Variants in HS2ST1 observed in about 807,000 individuals in gnomAD.
HS2ST1 encodes heparan sulfate 2-O-sulfotransferase 1.
HS2ST1 carries 18 observed loss-of-function variants against 42.9 expected under a neutral mutation model. The ratio of observed to expected loss-of-function variants is 0.42; its 90% CI spans 0.29 to 0.62. The LOEUF (loss-of-function observed/expected upper bound fraction) is 0.62. Among genes scored for constraint, HS2ST1 ranks in the 20% least tolerant of loss-of-function variants. The probability of loss-of-function intolerance (pLI) is 0.21; values close to 1 mark genes in which losing one functional copy is unlikely to be tolerated. For missense variants in HS2ST1, 334 were observed against 433.8 expected, an observed-to-expected ratio of 0.77 and a Z score of 2.04; for synonymous variants, 146 against 152.9, an observed-to-expected ratio of 0.95 and a Z score of 0.33.
intron 5 of HS2ST1, among the ~76,000 whole-genome samples, chr1:87,101,147 G>GTTTTTT (rs1557546414): frequency 9.2e-5 from 7 of 75,892 alleles, no homozygotes; most frequent in African/African-American, 1.5e-4. Flanking sequence ...GTGTGTGTGT[G>GTTTTTT]TGTTTTTTGT....
intron 3 of HS2ST1, among the ~76,000 whole-genome samples, chr1:87,085,498 G>A (rs1310641516): frequency 1.3e-5 from 2 of 152,078 alleles, no homozygotes; most frequent in Non-Finnish European, 2.9e-5. Context: ...TCCTCTCATA[G>A]TACTCAAGAT....
chr1:87,109,425 C>T lies in HS2ST1; in HGVS notation c.*4729C>T, dbSNP rs1021078412. ...AATAAAATTTCAGATGGAAAACTTA[C>T]AAAATATATACTTAATTAGAAGAAA... On this transcript the variant is annotated 3_prime_UTR_variant, in exon 7 of 7. Coordinates refer to ENST00000370550, the MANE Select transcript of HS2ST1 (RefSeq NM_012262.4). 6.6e-6 allele frequency: 1 copy of T among 151,762 alleles called. No homozygotes were observed. Among genetic ancestry groups the T allele is most frequent in the Admixed American group, 6.6e-5 (1 of 15,212 alleles). The allele number at this position is 151,762 out of a possible 1,614,324, so 9.4% of individuals were successfully genotyped here.
chr1:87,094,458 TG>T (rs1652017522), intron 4 of HS2ST1, among the ~76,000 whole-genome samples: 1 of 152,154 alleles, frequency 6.6e-6, no homozygotes, highest in Admixed American at 6.6e-5. Context: ...ATGGGGTAGT[TG>T]CTGTTATTGT....
intron 4 of HS2ST1, among the ~76,000 whole-genome samples, chr1:87,095,959 C>T (rs918205412): frequency 1.8e-4 from 26 of 144,892 alleles, no homozygotes; most frequent in African/African-American, 6.2e-4. Flanking sequence ...TATAGACAGC[C>T]GGTTTTCTTT....
intron 1 of HS2ST1, among the ~76,000 whole-genome samples, chr1:87,010,376 TAAC>T (rs1244463907): frequency 6.6e-6 from 1 of 152,170 alleles, no homozygotes; most frequent in African/African-American, 2.4e-5. Context: ...AATTAGGAAA[TAAC>T]AGTAAAATCA....
At chr1:87,000,656 A>G (rs1649255104) in intron 1 of HS2ST1, among the ~76,000 whole-genome samples, 1 of 152,218 alleles carries the variant, frequency 6.6e-6, no homozygotes, top group South Asian at 2.1e-4. Flanking sequence ...AGAGTTGTGC[A>G]TTTGAAAGCT....
At chr1:87,057,371 T>C (rs368075501) in intron 1 of HS2ST1, among the ~76,000 whole-genome samples, 10 of 152,128 alleles carry the variant, frequency 6.6e-5, no homozygotes, top group South Asian at 4.1e-4. Flanking sequence ...AATATGGTGA[T>C]TAAGACACTG....
intron 1 of HS2ST1, among the ~76,000 whole-genome samples, chr1:86,998,579 C>A (rs1482272761): frequency 1.3e-5 from 2 of 152,104 alleles, no homozygotes; most frequent in Non-Finnish European, 2.9e-5. Flanking sequence ...TTATTCATGG[C>A]TTTTAATAAG....
At chr1:87,071,563 T>C (rs1651405309) in intron 1 of HS2ST1, among the ~76,000 whole-genome samples, 2 of 151,966 alleles carry the variant, frequency 1.3e-5, no homozygotes, top group Non-Finnish European at 2.9e-5. Flanking sequence ...ACCGTGTCTC[T>C]ACTAAAAATA....
In HS2ST1 at chr1:87,073,016, T is replaced by C. The variant is rs142108708; in HGVS notation, c.207T>C (p.Asp69=). The change falls in exon 2 of 7, where the codon GAT becomes GAC. Residue 69 remains aspartate, a synonymous_variant. Coordinates refer to ENST00000370550, the MANE Select transcript of HS2ST1 (RefSeq NM_012262.4). ...MDGPRQDATL[D]EEEDMVIIYN... is the part of the protein sequence containing the mutation. The stretch of plus-strand genomic sequence containing the variant: ...GCCCTCGGCAAGATGCCACTTTAGA[T>C]GAGGAAGAGGACATGGTGATCATTT... The C allele has an allele frequency of 6.8e-6, 11 of 1,614,082 alleles. No individual in the cohort carries two copies. In the African/African-American group the frequency reaches 1.1e-4, roughly 16 times the overall value.
chr1:87,027,898 C>T (rs1650128677), intron 1 of HS2ST1, among the ~76,000 whole-genome samples: 1 of 152,194 alleles, frequency 6.6e-6, no homozygotes, highest in African/African-American at 2.4e-5. Flanking sequence ...CCATGTTGGC[C>T]AGGCTGGTCT....
At chr1:86,988,940 T>A (rs1648866620) in intron 1 of HS2ST1, among the ~76,000 whole-genome samples, 1 of 152,242 alleles carries the variant, frequency 6.6e-6, no homozygotes, top group Non-Finnish European at 1.5e-5. Flanking sequence ...TACTTCGGAT[T>A]TCTGTATCAC....
chr1:87,023,873 C>T (rs781760117), intron 1 of HS2ST1, among the ~76,000 whole-genome samples: 49 of 151,154 alleles, frequency 3.2e-4, no homozygotes, highest in Non-Finnish European at 4.1e-4. Context: ...TTAAATATAT[C>T]TATTGAGGTC....
intron 1 of HS2ST1, among the ~76,000 whole-genome samples, chr1:87,070,639 A>G (rs1319072123): frequency 1.3e-5 from 2 of 152,200 alleles, no homozygotes; most frequent in East Asian, 1.9e-4. Context: ...AATTAGTTGA[A>G]TTTAATCTAA....
In HS2ST1 at chr1:86,956,972, C is replaced by T. The variant is rs537109191; in HGVS notation, c.124+41812C>T. Among the ~76,000 whole-genome samples the T allele has an allele frequency of 3.3e-5, 5 of 152,268 alleles. 1 individual carries two copies. The highest frequency in any genetic ancestry group is 1.5e-5 in the Non-Finnish European group (1 of 68,014). ...CATTATATAACATTGAAATCATTCA[C>T]AATTTAGTGGTTTGAAATTCCAGAT... On this transcript the variant is annotated intron_variant, in intron 1 of 6. Transcript: ENST00000370550.
rs1165653048 is a variant in HS2ST1, at chr1:87,105,288, A to G, written c.*592A>G. 6.6e-6 allele frequency: 1 copy of G among 152,592 alleles called. No individual in the cohort carries two copies. Among genetic ancestry groups the G allele is most frequent in the Non-Finnish European group, 1.5e-5 (1 of 68,004 alleles). The allele number at this position is 152,592 out of a possible 1,614,324, so 9.5% of individuals were successfully genotyped here. A position where few individuals can be genotyped will look rare whatever the true frequency, so the allele number is the denominator to read the frequency against. On this transcript the variant is annotated 3_prime_UTR_variant, in exon 7 of 7. Transcript: ENST00000370550. The stretch of plus-strand genomic sequence containing the variant: ...ATTTTTTAAATGGTGATTAGTGTTA[A>G]AAATCAATTTAAATCATGACTAATA...
chr1:86,982,653 T>C (rs1648630580), intron 1 of HS2ST1, among the ~76,000 whole-genome samples: 1 of 152,126 alleles, frequency 6.6e-6, no homozygotes, highest in South Asian at 2.1e-4. Context: ...TAGCTGGGAC[T>C]ACAAGCGCCC....
chr1:86,966,873 TAAA>T, intron 1 of HS2ST1, among the ~76,000 whole-genome samples: 1 of 150,582 alleles, frequency 6.6e-6, no homozygotes, highest in Non-Finnish European at 1.5e-5. Context: ...TTGGGTCATT[TAAA>T]AAAATAATAG....
At chr1:86,968,457 T>C (rs536491947) in intron 1 of HS2ST1, among the ~76,000 whole-genome samples, 1 of 151,936 alleles carries the variant, frequency 6.6e-6, no homozygotes, top group East Asian at 1.9e-4. Flanking sequence ...GGTCTCACTC[T>C]GTTACCCAGG....
Sources: gnomAD v4.1 joint callset for allele counts (sites outside exome capture counted in the v4.1 genomes callset) on GRCh38, gnomAD v4.1.1 for gene constraint, MANE v1.5 for transcripts, NCBI Gene and HGNC (gene_info 2026-07-23, HGNC 2026-07-21) for gene names.